The following ABCA9 variants were observed in gnomAD, a reference collection of about 807,000 sequenced individuals.
The protein encoded by ABCA9 is ATP binding cassette subfamily A member 9, also known as ATP-binding cassette sub-family A member 9.
In ABCA9, 183 loss-of-function variants were observed where a neutral mutation model predicts 205.3. The observed-to-expected ratio is 0.89, with a 90% CI of 0.79 to 1.01. The LOEUF (loss-of-function observed/expected upper bound fraction) is 1.01, where lower values mean the gene tolerates loss of function less well. ABCA9 is among the 50% of genes least tolerant of loss of function. The pLI, the probability that ABCA9 is intolerant of heterozygous loss-of-function variation, is 0.00. For synonymous variants in ABCA9, 651 were observed against 683.3 expected (o/e 0.95, Z 0.74); for missense variants, 1,805 against 1,912.4 (o/e 0.94, Z 1.05).
Position 69,053,232 on chromosome 17 carries a change from C to A in ABCA9, c.-13-2093G>T, listed in dbSNP as rs556812511. 4.6e-5 allele frequency among the ~76,000 whole-genome samples: 7 copies of A among 152,304 alleles called. No individual in the cohort carries two copies. In the South Asian group the frequency reaches 1.5e-3, roughly 32 times the overall value. On this transcript the variant is annotated intron_variant, in intron 1 of 38. Transcript: ENST00000340001. ...ATGGGTGATTCCCTGGCAACCAGTC[C>A]TATCCTGAAGCAATCTAGGGGATTT...
chr17:68,985,643 C>T (rs2069207361), intron 32 of ABCA9, among the ~76,000 whole-genome samples: 1 of 151,530 alleles, frequency 6.6e-6, no homozygotes, highest in Non-Finnish European at 1.5e-5. Context: ...AAACAAAAAC[C>T]AAGAATAATC....
At chr17:69,025,874 C>A (rs2070962979) in intron 16 of ABCA9, among the ~76,000 whole-genome samples, 1 of 151,798 alleles carries the variant, frequency 6.6e-6, no homozygotes, top group South Asian at 2.1e-4. Context: ...GGATTGAATA[C>A]AATAATATGA....
At chr17:69,067,508 A>G in the ABCA9 span, among the ~76,000 whole-genome samples, 1 of 151,008 alleles carries the variant, frequency 6.6e-6, no homozygotes, top group Non-Finnish European at 1.5e-5. Context: ...GTGAGCTGAG[A>G]TGGCGCCACA....
At chr17:68,982,962 C>T (rs2069110056) in intron 36 of ABCA9, among the ~76,000 whole-genome samples, 1 of 152,150 alleles carries the variant, frequency 6.6e-6, no homozygotes. Flanking sequence ...GCGGTGATTG[C>T]ACCACTGCAC....
At chr17:69,035,880 G>C in intron 6 of ABCA9, 79 bp from the exon 7 acceptor site, 1 of 1,493,454 alleles carries the variant, frequency 6.7e-7, no homozygotes, top group Non-Finnish European at 9.0e-7. Flanking sequence ...CAAATGATTT[G>C]TGAAGCTCAC....
At position 69,028,229 on chromosome 17, in the gene ABCA9, C is replaced by T. The variant is rs532580232; in HGVS notation, c.1615+306G>A. On this transcript the variant is annotated intron_variant, in intron 12 of 38. Transcript: ENST00000340001. ...GTCGCCAGGCTGGAGTGCTGTGGCA[C>T]GATCTAGGCTCACTGCAACCTCCGC... Among the ~76,000 whole-genome samples, 61 of 152,130 alleles carry T rather than the reference C, an allele frequency of 4.0e-4. 1 individual carries two copies. The highest frequency in any genetic ancestry group is 7.6e-4 in the Non-Finnish European group (52 of 68,022).
In ABCA9 at chr17:69,034,936, G is replaced by A. The variant is rs185649798; in HGVS notation, c.1128+310C>T. ...AAGATATATTTATTCCAAATTCCTGGTTTTTAAATGCTTGTGATAACATTA... is the reference window on the plus strand; with the variant it reads ...AAGATATATTTATTCCAAATTCCTGATTTTTAAATGCTTGTGATAACATTA... On this transcript the variant is annotated intron_variant, in intron 8 of 38. Transcript: ENST00000340001. 280 of 198,354 alleles carry A rather than the reference G, an allele frequency of 1.4e-3. 1 individual carries two copies. Among genetic ancestry groups the A allele is most frequent in the African/African-American group, 6.1e-3 (265 of 43,564 alleles). The allele number at this position is 198,354 out of a possible 1,614,324, so 12.3% of individuals were successfully genotyped here. A position where few individuals can be genotyped will look rare whatever the true frequency, so the allele number is the denominator to read the frequency against.
intron 10 of ABCA9, among the ~76,000 whole-genome samples, chr17:69,029,624 A>T (rs1245065159): frequency 1.3e-5 from 2 of 152,188 alleles, no homozygotes; most frequent in African/African-American, 4.8e-5. Context: ...TTGGAATCTA[A>T]TCATTAAATG....
chr17:69,020,201 C>T (rs967763502), intron 19 of ABCA9, among the ~76,000 whole-genome samples, 187 bp downstream of exon 19: 2 of 152,004 alleles, frequency 1.3e-5, no homozygotes, highest in Non-Finnish European at 2.9e-5. Flanking sequence ...AATCCCAACC[C>T]GTATCTGTTT....
intron 37 of ABCA9, among the ~76,000 whole-genome samples, chr17:68,980,357 C>A (rs1567909426): frequency 6.6e-6 from 1 of 152,104 alleles, no homozygotes; most frequent in Non-Finnish European, 1.5e-5. Context: ...CTAGTTCAAC[C>A]ATTGTGAGAG....
chr17:69,040,874 C>CT (rs1344485720), intron 6 of ABCA9, among the ~76,000 whole-genome samples: 3 of 152,138 alleles, frequency 2.0e-5, no homozygotes, highest in Non-Finnish European at 4.4e-5. Context: ...ATGAAGATAT[C>CT]TTTTCCCTTA....
chr17:69,074,034 G>A, the ABCA9 span, among the ~76,000 whole-genome samples: 1 of 152,000 alleles, frequency 6.6e-6, no homozygotes, highest in Admixed American at 6.6e-5. Context: ...CAGGTATTGT[G>A]ATTTATCACC....
At position 69,054,134 on chromosome 17, in the gene ABCA9, C is replaced by T. The variant is rs568045747; in HGVS notation, c.-13-2995G>A. Among the ~76,000 whole-genome samples, 5 of 152,158 alleles carry T rather than the reference C, an allele frequency of 3.3e-5. No individual in the cohort carries two copies. In the East Asian group the frequency reaches 7.7e-4, roughly 23 times the overall value. ...GATGAAAGAGAAGTACTTTCTCAGA[C>T]AAACAAAAAATGAGAGAATTTGTTG... On this transcript the variant is annotated intron_variant, in intron 1 of 38. Coordinates refer to ENST00000340001, the MANE Select transcript of ABCA9 (RefSeq NM_080283.4).
In ABCA9 at chr17:68,989,038, T is replaced by G. The variant is rs376800311; in HGVS notation, c.4036A>C (p.Thr1346Pro). The G allele has an allele frequency of 1.2e-6, 2 of 1,608,198 alleles. No homozygotes were observed. Among genetic ancestry groups the G allele is most frequent in the Non-Finnish European group, 1.7e-6 (2 of 1,175,484 alleles). ...TACGTTTTACTGACCTGTCCTGCAG[T>G]TGGTTTTGTGTCTCCAGTTATCATC... ...IKMITGDTKP[T>P]AGQVILKGSG... The change falls in exon 31 of 39, where the codon ACT becomes CCT. Residue 1346 changes from threonine (T) to proline (P), a missense_variant. Transcript: ENST00000340001.
At chr17:69,012,361 T>A (rs1567941105) in intron 22 of ABCA9, 3 of 291,488 alleles carry the variant, frequency 1.0e-5, no homozygotes, top group African/African-American at 2.2e-5. Flanking sequence ...AAGGTAGGCA[T>A]GAAACGTCTT....
chr17:69,013,829 GTACTT>G (rs138461287), intron 22 of ABCA9, among the ~76,000 whole-genome samples: 2 of 152,026 alleles, frequency 1.3e-5, no homozygotes, highest in African/African-American at 4.8e-5. Flanking sequence ...AGTGAGCCTG[GTACTT>G]TACTTTAGGA....
intron 6 of ABCA9, chr17:69,043,219 G>C (rs113402002): frequency 5.7e-4 from 189 of 329,942 alleles, no homozygotes; most frequent in Non-Finnish European, 9.2e-4. Context: ...AATAGAGTTT[G>C]AGCTTCTGTG....
At chr17:69,050,804 TA>T (rs528321121) in intron 2 of ABCA9, among the ~76,000 whole-genome samples, 4 of 152,060 alleles carry the variant, frequency 2.6e-5, no homozygotes, top group African/African-American at 9.7e-5. Context: ...TATGAATTTT[TA>T]AAAAAATGCC....
chr17:69,008,395 G>A (rs978426353), intron 23 of ABCA9, among the ~76,000 whole-genome samples, 160 bp from the exon 24 acceptor site: 10 of 152,184 alleles, frequency 6.6e-5, no homozygotes, highest in African/African-American at 2.4e-4. Context: ...CTTGTTCAGA[G>A]GCATTGATAA....
Sources: gnomAD v4.1 joint callset for allele counts (sites outside exome capture counted in the v4.1 genomes callset) on GRCh38, gnomAD v4.1.1 for gene constraint, MANE v1.5 for transcripts, NCBI Gene and HGNC (gene_info 2026-07-23, HGNC 2026-07-21) for gene names.